The following RGP1 variants were observed in gnomAD, a reference collection of about 807,000 sequenced individuals.
RGP1 encodes RGP1 partner of RAB6A GEF complex, also known as RAB6A-GEF complex partner protein 2.
In RGP1, 28 loss-of-function variants were observed where a neutral mutation model predicts 44.5. That is an observed-to-expected ratio of 0.63 (90% CI 0.47 to 0.86). RGP1 has a LOEUF of 0.86. Ranked by LOEUF, RGP1 falls within the 40% of genes least tolerant of loss-of-function variation. RGP1 has a pLI of 0.00. For synonymous variants in RGP1, 212 were observed against 196.7 expected (o/e 1.08, Z -0.65); for missense variants, 417 against 490.7 (o/e 0.85, Z 1.42).
chr9:35,749,601 C>A lies in RGP1; in HGVS notation c.-19-136C>A. ...CAGTCGCCTCCCTCCCACCCGCCTA[C>A]CCCTCCTATATCCAGGAGCTCCCTC... On this transcript the variant is annotated intron_variant, in intron 1 of 8. Coordinates refer to ENST00000378078, the MANE Select transcript of RGP1 (RefSeq NM_001080496.3). The surrounding 1 kb of genome is among the most constrained non-coding windows in gnomAD (Gnocchi z 4.4). 1 of 681,692 alleles carries A rather than the reference C, an allele frequency of 1.5e-6. No individual in the cohort carries two copies. Among genetic ancestry groups the A allele is most frequent in the African/African-American group, 1.8e-5 (1 of 55,878 alleles). 42.2% of individuals were successfully genotyped at this position (681,692 alleles called of 1,614,324 possible).
the RGP1 span, among the ~76,000 whole-genome samples, chr9:35,771,753 G>A: frequency 6.6e-6 from 1 of 152,192 alleles, no homozygotes; most frequent in Non-Finnish European, 1.5e-5. Context: ...ACAAAGATGT[G>A]ATTGATAAAA....
chr9:35,751,890 G>A, intron 7 of RGP1, 66 bp from the exon 8 acceptor site: 2 of 1,559,202 alleles, frequency 1.3e-6, no homozygotes, highest in South Asian at 1.2e-5. Flanking sequence ...AACAGCTTGA[G>A]GTTGGGCTGT....
chr9:35,760,667 A>G (rs1049822431), downstream of RGP1, among the ~76,000 whole-genome samples: 5 of 152,348 alleles, frequency 3.3e-5, no homozygotes, highest in African/African-American at 1.2e-4. Context: ...ACTGAATCAG[A>G]AACGCTGAAG....
In RGP1 at chr9:35,757,328, T is replaced by C; in HGVS notation, c.*4454T>C. 6.6e-6 allele frequency: 1 copy of C among 152,542 alleles called. No individual in the cohort carries two copies. The highest frequency in any genetic ancestry group is 1.5e-5 in the Non-Finnish European group (1 of 68,350). 9.4% of individuals were successfully genotyped at this position (152,542 alleles called of 1,614,324 possible). A position where few individuals can be genotyped will look rare whatever the true frequency, so the allele number is the denominator to read the frequency against. On this transcript the variant is annotated 3_prime_UTR_variant, in exon 9 of 9. Coordinates refer to ENST00000378078, the MANE Select transcript of RGP1 (RefSeq NM_001080496.3). ...TAGTGGGCTTCTGTCGTGGTGTCGC[T>C]ACGGGCGCGAAACGGACACTGAACA...
At chr9:35,752,265 T>C (rs1827279121) in intron 8 of RGP1, 120 bp downstream of exon 8, 1 of 1,006,216 alleles carries the variant, frequency 9.9e-7, no homozygotes. Context: ...GTCTAGCCTC[T>C]GACCCGGAAC....
chr9:35,749,324 C>G lies in RGP1; in HGVS notation c.-104C>G, dbSNP rs747006242. ...ACCGCCCAGCGGACGCCGCCGCCGC[C>G]GCCGCCGCCGCGTACCTAGCCAGGT... On this transcript the variant is annotated 5_prime_UTR_variant, in exon 1 of 9. Coordinates refer to ENST00000378078, the MANE Select transcript of RGP1 (RefSeq NM_001080496.3). This position sits in a 1 kb window ranked among gnomAD's most constrained non-coding sequence, Gnocchi z 4.4. 3 of 527,472 alleles carry G rather than the reference C, an allele frequency of 5.7e-6. No homozygotes were observed. Among genetic ancestry groups the G allele is most frequent in the Non-Finnish European group, 1.2e-5 (3 of 257,834 alleles). 32.7% of individuals were successfully genotyped at this position (527,472 alleles called of 1,614,324 possible).
In RGP1 at chr9:35,749,836, C is replaced by G; in HGVS notation, c.81C>G (p.Thr27=). 2 of 1,613,598 alleles carry G rather than the reference C, an allele frequency of 1.2e-6. No individual in the cohort carries two copies. Among genetic ancestry groups the G allele is most frequent in the South Asian group, 2.2e-5 (2 of 91,066 alleles). Residue 27 remains threonine, a synonymous_variant, in exon 2 of 9, where the codon ACC becomes ACG. Coordinates refer to ENST00000378078, the MANE Select transcript of RGP1 (RefSeq NM_001080496.3). The surrounding 1 kb of genome is among the most constrained non-coding windows in gnomAD (Gnocchi z 4.4). ...GEALECVVTV[T]NPLPPTATSA... is the part of the protein sequence containing the mutation. ...CGCTGGAGTGTGTAGTGACCGTCAC[C>G]AACCCCCTTCCGCCCACGGCCACTT... is the stretch of plus-strand genomic sequence containing the variant.
In RGP1 at chr9:35,753,262, G is replaced by A. The variant is rs752789150; in HGVS notation, c.*388G>A. On this transcript the variant is annotated 3_prime_UTR_variant, in exon 9 of 9. Coordinates refer to ENST00000378078, the MANE Select transcript of RGP1 (RefSeq NM_001080496.3). This position sits in a 1 kb window ranked among gnomAD's most constrained non-coding sequence, Gnocchi z 4.2. Reference sequence around the variant, plus strand: ...GACGTACCTCACACCCAGCCGGGAAGTCGATGGGATGCTGGGACCTGGGGA... The same window carrying A: ...GACGTACCTCACACCCAGCCGGGAAATCGATGGGATGCTGGGACCTGGGGA... 1.2e-6 allele frequency: 2 copies of A among 1,613,976 alleles called. No homozygotes were observed. The highest frequency in any genetic ancestry group is 3.3e-5 in the Admixed American group (2 of 60,028).
chr9:35,771,225 C>G, the RGP1 span, among the ~76,000 whole-genome samples: 1 of 152,198 alleles, frequency 6.6e-6, no homozygotes, highest in Admixed American at 6.5e-5. Flanking sequence ...GCTGGCAAGT[C>G]CCGGAACCAG....
Position 35,753,346 on chromosome 9 carries a change from G to A in RGP1, c.*472G>A, listed in dbSNP as rs1827303949. 3 of 1,534,994 alleles carry A rather than the reference G, an allele frequency of 2.0e-6. No homozygotes were observed. The highest frequency in any genetic ancestry group is 1.8e-5 in the Admixed American group (1 of 56,250). On this transcript the variant is annotated 3_prime_UTR_variant, in exon 9 of 9. Transcript: ENST00000378078. The surrounding 1 kb of genome is among the most constrained non-coding windows in gnomAD (Gnocchi z 4.2). ...AGGCTGCCTTTATCCCTGCCCACATGTTCCCTCTCTCACAGTTTTCCCCCC... is the reference window on the plus strand; with the variant it reads ...AGGCTGCCTTTATCCCTGCCCACATATTCCCTCTCTCACAGTTTTCCCCCC...
chr9:35,751,772 C>T lies in RGP1; in HGVS notation c.762+18C>T. On this transcript the variant is annotated intron_variant, in intron 7 of 8. Transcript: ENST00000378078. ...GTTTGCAGGTAAGAAGGGAGCAGAG[C>T]TTCTTACCTGCTGGGGTGCTGGGGT... The T allele has an allele frequency of 6.2e-7, 1 of 1,613,776 alleles. No individual in the cohort carries two copies. The highest frequency in any genetic ancestry group is 8.5e-7 in the Non-Finnish European group (1 of 1,179,834).
chr9:35,776,538 C>T, the RGP1 span, among the ~76,000 whole-genome samples: 14 of 152,048 alleles, frequency 9.2e-5, no homozygotes, highest in East Asian at 1.9e-4. Flanking sequence ...CTACCTCCCT[C>T]GGCCTCCCAA....
the RGP1 span, among the ~76,000 whole-genome samples, chr9:35,776,340 G>A: frequency 3.4e-4 from 52 of 151,412 alleles, 1 homozygote; most frequent in East Asian, 7.2e-3. Flanking sequence ...AGGCTGGGGC[G>A]CAGTGGTATG....
At position 35,754,009 on chromosome 9, in the gene RGP1, G is replaced by A. The variant is rs1163729040; in HGVS notation, c.*1135G>A. 1 of 1,613,198 alleles carries A rather than the reference G, an allele frequency of 6.2e-7. No homozygotes were observed. Among genetic ancestry groups the A allele is most frequent in the Non-Finnish European group, 8.5e-7 (1 of 1,179,422 alleles). On this transcript the variant is annotated 3_prime_UTR_variant, in exon 9 of 9. Coordinates refer to ENST00000378078, the MANE Select transcript of RGP1 (RefSeq NM_001080496.3). ...CTTCACCCCACTTTACCTTGAGCTTGGAAGTAGCACTTGCTGTAGACTCCT... is the reference window on the plus strand; with the variant it reads ...CTTCACCCCACTTTACCTTGAGCTTAGAAGTAGCACTTGCTGTAGACTCCT...
the RGP1 span, among the ~76,000 whole-genome samples, chr9:35,778,065 C>T: frequency 6.6e-6 from 1 of 151,946 alleles, no homozygotes; most frequent in Non-Finnish European, 1.5e-5. Flanking sequence ...TTTGGGAAGC[C>T]GAGGTGGGCA....
At chr9:35,774,698 T>C in the RGP1 span, among the ~76,000 whole-genome samples, 1 of 152,186 alleles carries the variant, frequency 6.6e-6, no homozygotes, top group Non-Finnish European at 1.5e-5. Context: ...CATTCCATCC[T>C]GGGCGACAGA....
chr9:35,784,352 C>T, the RGP1 span, among the ~76,000 whole-genome samples: 3 of 152,088 alleles, frequency 2.0e-5, no homozygotes, highest in Non-Finnish European at 4.4e-5. Context: ...AAGGGTTTTT[C>T]CTGAATTTTT....
chr9:35,751,177 A>G, intron 5 of RGP1, 89 bp from the exon 6 acceptor site: 1 of 1,526,212 alleles, frequency 6.6e-7, no homozygotes. Flanking sequence ...CCTTACCTTT[A>G]GCCATCTCAT....
the RGP1 span, among the ~76,000 whole-genome samples, chr9:35,772,965 G>A: frequency 6.6e-6 from 1 of 152,128 alleles, no homozygotes; most frequent in African/African-American, 2.4e-5. Flanking sequence ...CTTTACTGGT[G>A]TATTTGTTAA....
Sources: gnomAD v4.1 joint callset for allele counts (sites outside exome capture counted in the v4.1 genomes callset) on GRCh38, gnomAD v4.1.1 for gene constraint, Gnocchi (gnomAD v3.1) non-coding constraint, MANE v1.5 for transcripts, NCBI Gene and HGNC (gene_info 2026-07-23, HGNC 2026-07-21) for gene names.